The following CCDC88A variants were observed in gnomAD, a reference collection of about 807,000 sequenced individuals.
CCDC88A encodes girdin.
Under a neutral mutation model 234.3 loss-of-function variants are expected in CCDC88A, and 54 were observed. The ratio of observed to expected loss-of-function variants is 0.23; its 90% CI spans 0.19 to 0.29. The LOEUF (loss-of-function observed/expected upper bound fraction) is 0.29. CCDC88A is among the 10% of genes least tolerant of loss of function. The probability of loss-of-function intolerance (pLI) is 1.00; values close to 1 mark genes in which losing one functional copy is unlikely to be tolerated. For synonymous variants in CCDC88A, 753 were observed against 737.8 expected (o/e 1.02, Z -0.33); for missense variants, 1,832 against 2,123.4 (o/e 0.86, Z 2.70).
chr2:55,322,910 G>A (rs1311903106), intron 17 of CCDC88A: 2 of 345,550 alleles, frequency 5.8e-6, no homozygotes, highest in African/African-American at 2.1e-5. Flanking sequence ...TAATAGTCAT[G>A]TCAAATCCTA....
rs1684248101 is a variant in CCDC88A, at chr2:55,326,241, C to T, written c.2997+2053G>A. 2.0e-5 allele frequency among the ~76,000 whole-genome samples: 3 copies of T among 151,768 alleles called. No homozygotes were observed. The South Asian group carries it at 6.2e-4, about 32-fold the overall frequency. ...TATGTTGCCCAGGCTGGTCTCAAAC[C>T]CCTGCGCTCAAGCGAACTTGCCGAC... On this transcript the variant is annotated intron_variant, in intron 17 of 32. Coordinates refer to ENST00000436346, the MANE Select transcript of CCDC88A (RefSeq NM_001365480.1).
At position 55,319,255 on chromosome 2, in the gene CCDC88A, T is replaced by G. The variant is rs575950031; in HGVS notation, c.3163-251A>C. 5.3e-5 allele frequency among the ~76,000 whole-genome samples: 8 copies of G among 152,282 alleles called. No individual in the cohort carries two copies. In the South Asian group the frequency reaches 1.2e-3, roughly 24 times the overall value. On this transcript the variant is annotated intron_variant, in intron 18 of 32. Coordinates refer to ENST00000436346, the MANE Select transcript of CCDC88A (RefSeq NM_001365480.1). ...CCTGTGTCTTGTCTGCATTATAATA[T>G]CCTAAAAATAAAATATCCCATTCTA...
chr2:55,353,552 T>C (rs1670160173), intron 8 of CCDC88A, among the ~76,000 whole-genome samples: 1 of 151,162 alleles, frequency 6.6e-6, no homozygotes, highest in Admixed American at 6.6e-5. Context: ...TCACTTTCTT[T>C]AACTACTTTA....
intron 22 of CCDC88A, chr2:55,314,264 G>A (rs899924702): frequency 3.3e-5 from 5 of 152,232 alleles, no homozygotes; most frequent in Non-Finnish European, 7.3e-5. Flanking sequence ...GAGTAGATTA[G>A]CATAGATGCT....
intron 7 of CCDC88A, among the ~76,000 whole-genome samples, chr2:55,359,365 AAAAG>A (rs1178909583): frequency 6.6e-6 from 1 of 152,032 alleles, no homozygotes; most frequent in Admixed American, 6.6e-5. Flanking sequence ...CAAAATATTA[AAAAG>A]AAAGAAAGAA....
chr2:55,310,515 A>G (rs1020124552), intron 23 of CCDC88A, among the ~76,000 whole-genome samples: 2 of 152,012 alleles, frequency 1.3e-5, no homozygotes, highest in African/African-American at 2.4e-5. Context: ...TCAGGAGTGG[A>G]GTTTGCAGTG....
intron 6 of CCDC88A, 26 bp from the exon 7 acceptor site, chr2:55,362,474 A>C: frequency 6.3e-7 from 1 of 1,588,664 alleles, no homozygotes. Flanking sequence ...CAAAATAAAC[A>C]ACCAAAAAAG....
At position 55,296,172 on chromosome 2, in the gene CCDC88A, C is replaced by A. The variant is rs370401781; in HGVS notation, c.5091+86G>T. On this transcript the variant is annotated intron_variant, in intron 30 of 32. Transcript: ENST00000436346. ...GTACCTCTTAATACTCCTTAACTTA[C>A]CAAAAAAAAAAAGCTCTGAAGTTCA... 7 of 1,227,132 alleles carry A rather than the reference C, an allele frequency of 5.7e-6. No individual in the cohort carries two copies. The African/African-American group carries it at 6.2e-5, about 11-fold the overall frequency. 76.0% of individuals were successfully genotyped at this position (1,227,132 alleles called of 1,614,324 possible).
chr2:55,308,202 T>G (rs1409864779), intron 25 of CCDC88A: 2 of 152,486 alleles, frequency 1.3e-5, no homozygotes, highest in Non-Finnish European at 2.9e-5. Context: ...CCCAAAGTGG[T>G]GGGATTACAG....
At chr2:55,308,645 AT>A in intron 25 of CCDC88A, 163 bp downstream of exon 25, 2 of 596,792 alleles carry the variant, frequency 3.4e-6, no homozygotes, top group East Asian at 5.7e-5. Context: ...ACCTCAGAAA[AT>A]TGTGTGGCTG....
At chr2:55,320,794 C>G (rs1385023299) in intron 18 of CCDC88A, 1 of 152,108 alleles carries the variant, frequency 6.6e-6, no homozygotes, top group Non-Finnish European at 1.5e-5. Flanking sequence ...TAGGTATACT[C>G]TCTTAGTGGG....
At chr2:55,399,390 G>A (rs1056748690) in intron 2 of CCDC88A, among the ~76,000 whole-genome samples, 4 of 151,858 alleles carry the variant, frequency 2.6e-5, no homozygotes, top group Non-Finnish European at 2.9e-5. Flanking sequence ...TTAGCTGGGC[G>A]TGGTGGTGGG....
At chr2:55,383,117 A>G (rs768000049) in intron 3 of CCDC88A, among the ~76,000 whole-genome samples, 2 of 151,600 alleles carry the variant, frequency 1.3e-5, no homozygotes, top group Admixed American at 1.3e-4. Flanking sequence ...AAATTTACCT[A>G]TCATTACTGA....
At chr2:55,351,767 C>A (rs1018848990) in intron 8 of CCDC88A, among the ~76,000 whole-genome samples, 1 of 152,100 alleles carries the variant, frequency 6.6e-6, no homozygotes, top group African/African-American at 2.4e-5. Flanking sequence ...AAAACATGCA[C>A]CTGAATGTTC....
chr2:55,289,261 G>A lies in CCDC88A; in HGVS notation c.*1939C>T, dbSNP rs1299302235. On this transcript the variant is annotated 3_prime_UTR_variant, in exon 33 of 33. Coordinates refer to ENST00000436346, the MANE Select transcript of CCDC88A (RefSeq NM_001365480.1). ...CTTTTCAGTAATTGTTCTGGGATGT[G>A]TTCTAGTTGTGCAAATTAGATGCTA... 2 of 152,580 alleles carry A rather than the reference G, an allele frequency of 1.3e-5. No individual in the cohort carries two copies. The highest frequency in any genetic ancestry group is 2.9e-5 in the Non-Finnish European group (2 of 68,014). The allele number at this position is 152,580 out of a possible 1,614,324, so 9.5% of individuals were successfully genotyped here. A position where few individuals can be genotyped will look rare whatever the true frequency, so the allele number is the denominator to read the frequency against.
intron 3 of CCDC88A, among the ~76,000 whole-genome samples, chr2:55,385,852 C>CTCAAAAAAA (rs1558791979): frequency 1.6e-5 from 1 of 62,462 alleles, no homozygotes; most frequent in Non-Finnish European, 3.0e-5. Flanking sequence ...AACTCCATGT[C>CTCAAAAAAA]AAAAAAAAAA....
At position 55,343,786 on chromosome 2, in the gene CCDC88A, C is replaced by G. The variant is rs1558706382; in HGVS notation, c.1195G>C (p.Asp399His). 1 of 1,605,542 alleles carries G rather than the reference C, an allele frequency of 6.2e-7. No homozygotes were observed. Among genetic ancestry groups the G allele is most frequent in the Admixed American group, 1.7e-5 (1 of 58,982 alleles). Reference protein sequence around the residue: ...AKLHDMEMERDMDRKKIEELM... With the variant: ...AKLHDMEMERHMDRKKIEELM... Reference sequence around the variant, plus strand: ...TCTTCAATCTTTTTTCTATCCATATCTCGTTCCTTTTTTATTGGCAAGGAT... The same window carrying G: ...TCTTCAATCTTTTTTCTATCCATATGTCGTTCCTTTTTTATTGGCAAGGAT... Residue 399 changes from aspartate (D) to histidine (H), a missense_variant, in exon 12 of 33, where the codon GAT (aspartate) becomes CAT (histidine). By Grantham distance (81) the Asp-to-His change is moderately conservative. This residue lies in a region of CCDC88A where 1,282 missense variants were observed against 1,543.6 expected (regional missense o/e 0.83). Coordinates refer to ENST00000436346, the MANE Select transcript of CCDC88A (RefSeq NM_001365480.1).
intron 17 of CCDC88A, among the ~76,000 whole-genome samples, chr2:55,325,752 T>C (rs578190183): frequency 6.6e-6 from 1 of 152,342 alleles, no homozygotes; most frequent in Admixed American, 6.5e-5. Flanking sequence ...CATGTAGTTC[T>C]ACAGATATTT....
chr2:55,407,864 C>G (rs914456811), intron 2 of CCDC88A, among the ~76,000 whole-genome samples: 6 of 148,308 alleles, frequency 4.0e-5, no homozygotes, highest in Admixed American at 6.6e-5. Flanking sequence ...ATTACAGGCA[C>G]CCACCACCAT....
Sources: gnomAD v4.1 joint callset for allele counts (sites outside exome capture counted in the v4.1 genomes callset) on GRCh38, gnomAD v4.1.1 for gene constraint, gnomAD v4.1.1 regional missense constraint, MANE v1.5 for transcripts, NCBI Gene and HGNC (gene_info 2026-07-23, HGNC 2026-07-21) for gene names.